Variants in SLC9A9 observed in about 807,000 individuals in gnomAD.
SLC9A9 encodes the protein solute carrier family 9 member A9.
In SLC9A9, 62 loss-of-function variants were observed where a neutral mutation model predicts 77.8. The ratio of observed to expected loss-of-function variants is 0.80; its 90% CI spans 0.65 to 0.98. The LOEUF (loss-of-function observed/expected upper bound fraction) is 0.98, where lower values mean the gene tolerates loss of function less well. Among genes scored for constraint, SLC9A9 ranks in the 50% least tolerant of loss-of-function variants. The pLI is 0.00. For synonymous variants in SLC9A9, 320 were observed against 283.5 expected (o/e 1.13, Z -1.29); for missense variants, 775 against 774.9 (o/e 1.00, Z 0.00).
Position 143,448,905 on chromosome 3 carries a change from TATGA to T in SLC9A9, c.1469+18128_1469+18131del, listed in dbSNP as rs2034899203. On this transcript the variant is annotated intron_variant, in intron 12 of 15. Coordinates refer to ENST00000316549, the MANE Select transcript of SLC9A9 (RefSeq NM_173653.4). Reference sequence around the variant, plus strand: ...ATATATTATATATTATAATATATAATATGATATATATTATATATTATAATATATA... The same window carrying T: ...ATATATTATATATTATAATATATAATTATATATTATATATTATAATATATA... 2.2e-4 allele frequency among the ~76,000 whole-genome samples: 5 copies of T among 22,938 alleles called. 2 individuals carry two copies. The highest frequency in any genetic ancestry group is 1.7e-3 in the African/African-American group (3 of 1,738). 15.0% of individuals were successfully genotyped at this position (22,938 alleles called of 152,430 possible). A position where few individuals can be genotyped will look rare whatever the true frequency, so the allele number is the denominator to read the frequency against.
chr3:143,657,550 A>G (rs1466380413), intron 5 of SLC9A9, among the ~76,000 whole-genome samples: 1 of 152,198 alleles, frequency 6.6e-6, no homozygotes, highest in Non-Finnish European at 1.5e-5. Flanking sequence ...AACATGAAAT[A>G]TGTTACTTGC....
At chr3:143,540,698 A>G (rs1041471416) in intron 9 of SLC9A9, among the ~76,000 whole-genome samples, 10 of 152,240 alleles carry the variant, frequency 6.6e-5, no homozygotes, top group Admixed American at 5.9e-4. Flanking sequence ...AGGACATTAA[A>G]AACAACGAGT....
rs115614667 is a variant in SLC9A9 at position 143,343,873 on chromosome 3, T to C, written c.1604+19611A>G. On this transcript the variant is annotated intron_variant, in intron 14 of 15. Coordinates refer to ENST00000316549, the MANE Select transcript of SLC9A9 (RefSeq NM_173653.4). Reference sequence around the variant, plus strand: ...TATTCTATCTAAACTAACACCCAGGTATAGTGATCAATGGTCTAACCAGCT... The same window carrying C: ...TATTCTATCTAAACTAACACCCAGGCATAGTGATCAATGGTCTAACCAGCT... Among the ~76,000 whole-genome samples, 1,066 of 152,276 alleles carry C rather than the reference T, an allele frequency of 7.0e-3. 16 individuals are homozygous for C. The highest frequency in any genetic ancestry group is 0.025 in the African/African-American group (1,020 of 41,552).
intron 6 of SLC9A9, among the ~76,000 whole-genome samples, chr3:143,580,348 T>C (rs1169193142): frequency 1.3e-5 from 2 of 152,208 alleles, no homozygotes; most frequent in African/African-American, 4.8e-5. Flanking sequence ...GAAGTAATTC[T>C]ATTAACCTGT....
chr3:143,728,820 A>G (rs769279191), intron 4 of SLC9A9, among the ~76,000 whole-genome samples: 2 of 152,162 alleles, frequency 1.3e-5, no homozygotes, highest in Non-Finnish European at 2.9e-5. Flanking sequence ...GATGGAAACA[A>G]CAAGTATGAC....
intron 12 of SLC9A9, among the ~76,000 whole-genome samples, chr3:143,408,115 A>C (rs1186774378): frequency 6.6e-6 from 1 of 152,210 alleles, no homozygotes; most frequent in Non-Finnish European, 1.5e-5. Flanking sequence ...TAATTCTATC[A>C]GATCGGGGCC....
Position 143,266,855 on chromosome 3 carries a change from G to A in SLC9A9, c.1785C>T (p.Ala595=). Residue 595 remains alanine (A), a synonymous_variant, in exon 16 of 16, where the codon GCC becomes GCT. Coordinates refer to ENST00000316549, the MANE Select transcript of SLC9A9 (RefSeq NM_173653.4). ...DELAINYQEQ[A]SSPCSPPARL... ...TTGCAGGAGGACTGCAGGGTGAGGA[G>A]GCTTGCTCCTGGTAATTTATGGCTA... 1 of 1,614,158 alleles carries A rather than the reference G, an allele frequency of 6.2e-7. No individual in the cohort carries two copies. The highest frequency in any genetic ancestry group is 1.3e-5 in the African/African-American group (1 of 75,044).
chr3:143,392,712 C>G (rs139468027), intron 12 of SLC9A9, among the ~76,000 whole-genome samples: 11 of 152,220 alleles, frequency 7.2e-5, no homozygotes, highest in Admixed American at 3.3e-4. Flanking sequence ...ACCCATCTCA[C>G]GTGCAGAGAC....
intron 2 of SLC9A9, among the ~76,000 whole-genome samples, chr3:143,806,191 C>T (rs569288599): frequency 1.3e-5 from 2 of 150,676 alleles, no homozygotes; most frequent in South Asian, 2.1e-4. Flanking sequence ...ATGGGTTTCA[C>T]AACTCTAATT....
chr3:143,648,952 T>C (rs12152544), intron 6 of SLC9A9, among the ~76,000 whole-genome samples: 15,021 of 152,220 alleles, frequency 0.099, 842 homozygotes, highest in Non-Finnish European at 0.13. Flanking sequence ...AAGATTCCTG[T>C]TCATTTCACT....
At chr3:143,532,293 C>A (rs970740015) in intron 9 of SLC9A9, among the ~76,000 whole-genome samples, 2 of 152,082 alleles carry the variant, frequency 1.3e-5, no homozygotes, top group African/African-American at 4.8e-5. Context: ...TTCAAGCTAC[C>A]ACTGAACCTG....
At chr3:143,730,339 T>G (rs1218421570) in intron 4 of SLC9A9, among the ~76,000 whole-genome samples, 1 of 152,224 alleles carries the variant, frequency 6.6e-6, no homozygotes, top group Non-Finnish European at 1.5e-5. Flanking sequence ...TTAACTCATC[T>G]CTTTTTCTGG....
chr3:143,388,779 G>C (rs1266144854), intron 12 of SLC9A9, among the ~76,000 whole-genome samples: 2 of 152,154 alleles, frequency 1.3e-5, no homozygotes, highest in East Asian at 3.8e-4. Flanking sequence ...GATCTAATGG[G>C]AAAAACAAAT....
chr3:143,841,941 G>A (rs2009717299), intron 1 of SLC9A9, among the ~76,000 whole-genome samples: 1 of 152,056 alleles, frequency 6.6e-6, no homozygotes, highest in Non-Finnish European at 1.5e-5. Flanking sequence ...TTTTAGTAAA[G>A]ACAGAGTTTC....
At chr3:143,554,547 A>G (rs1161557895) in intron 8 of SLC9A9, among the ~76,000 whole-genome samples, 2 of 152,186 alleles carry the variant, frequency 1.3e-5, no homozygotes, top group African/African-American at 4.8e-5. Flanking sequence ...TTACAACGAT[A>G]GCTTCCTAAC....
At chr3:143,348,077 G>A (rs972041722) in intron 14 of SLC9A9, among the ~76,000 whole-genome samples, 1 of 150,570 alleles carries the variant, frequency 6.6e-6, no homozygotes, top group African/African-American at 2.4e-5. Context: ...GCAGTGGTAC[G>A]ATCTCCGCTC....
chr3:143,523,165 T>C (rs1012017885), intron 9 of SLC9A9, among the ~76,000 whole-genome samples: 26 of 152,174 alleles, frequency 1.7e-4, no homozygotes, highest in African/African-American at 6.3e-4. Flanking sequence ...CTAGTCCATT[T>C]GTCTTGGGAG....
At chr3:143,755,818 C>T (rs1023267290) in intron 4 of SLC9A9, among the ~76,000 whole-genome samples, 1 of 151,830 alleles carries the variant, frequency 6.6e-6, no homozygotes, top group African/African-American at 2.4e-5. Flanking sequence ...TAGATATGTA[C>T]AAATGCATGT....
At chr3:143,511,736 C>T (rs2036118662) in intron 9 of SLC9A9, among the ~76,000 whole-genome samples, 1 of 152,338 alleles carries the variant, frequency 6.6e-6, no homozygotes, top group East Asian at 1.9e-4. Context: ...TGAAGTGGCA[C>T]ACCCTCCTTT....
Sources: gnomAD v4.1 joint callset for allele counts (sites outside exome capture counted in the v4.1 genomes callset) on GRCh38, gnomAD v4.1.1 for gene constraint, MANE v1.5 for transcripts, NCBI Gene and HGNC (gene_info 2026-07-23, HGNC 2026-07-21) for gene names.